The following ADAMTS12 variants were observed in gnomAD, a reference collection of about 807,000 sequenced individuals.
The protein encoded by ADAMTS12 is A disintegrin and metalloproteinase with thrombospondin motifs 12.
ADAMTS12 carries 118 observed loss-of-function variants against 167.8 expected under a neutral mutation model. The observed-to-expected ratio is 0.70, with a 90% CI of 0.61 to 0.82. ADAMTS12 has a LOEUF of 0.82. Among genes scored for constraint, ADAMTS12 ranks in the 40% least tolerant of loss-of-function variants. The pLI is 0.00. For missense variants in ADAMTS12, 1,916 were observed against 1,998.8 expected (o/e 0.96, Z 0.79); for synonymous variants, 704 against 716.9 (o/e 0.98, Z 0.29).
chr5:33,578,309 T>G (rs974089313), intron 18 of ADAMTS12, among the ~76,000 whole-genome samples: 4 of 152,216 alleles, frequency 2.6e-5, no homozygotes, highest in Non-Finnish European at 5.9e-5. Context: ...AGGCAGGAAC[T>G]GTTATTCTGC....
intron 22 of ADAMTS12, 76 bp from the exon 23 acceptor site, chr5:33,535,068 T>A (rs1353214706): frequency 2.8e-6 from 4 of 1,428,152 alleles, no homozygotes; most frequent in Middle Eastern, 5.1e-4. Context: ...ACACCTCCAA[T>A]CCCACTGTGG....
intron 22 of ADAMTS12, among the ~76,000 whole-genome samples, chr5:33,539,066 G>C (rs256642): frequency 0.41 from 62,403 of 151,862 alleles, 13,836 homozygotes; most frequent in East Asian, 0.76. Flanking sequence ...CTCAGCCTCC[G>C]GAGTAGCTGG....
chr5:33,803,230 CA>C (rs1747076820), intron 2 of ADAMTS12, among the ~76,000 whole-genome samples: 1 of 152,138 alleles, frequency 6.6e-6, no homozygotes, highest in Non-Finnish European at 1.5e-5. Flanking sequence ...CAAAAAAACC[CA>C]CAGACAAAAC....
chr5:33,881,541 T>C, intron 1 of ADAMTS12, 61 bp from the exon 2 acceptor site: 1 of 1,544,632 alleles, frequency 6.5e-7, no homozygotes, highest in East Asian at 2.3e-5. Flanking sequence ...CAAAGCCACT[T>C]TCGTTTGGAA....
intron 16 of ADAMTS12, among the ~76,000 whole-genome samples, chr5:33,612,822 T>G (rs1579746416): frequency 1.3e-5 from 2 of 152,304 alleles, no homozygotes; most frequent in South Asian, 2.1e-4. Context: ...TCAACACCAC[T>G]CATGGCTGCT....
At chr5:33,642,343 T>G (rs1286666007) in intron 10 of ADAMTS12, among the ~76,000 whole-genome samples, 1 of 152,196 alleles carries the variant, frequency 6.6e-6, no homozygotes, top group Non-Finnish European at 1.5e-5. Context: ...TGGTGCATGA[T>G]CCTTATCTTG....
At chr5:33,527,424 C>A in intron 23 of ADAMTS12, 58 bp from the exon 24 acceptor site, 1 of 1,525,320 alleles carries the variant, frequency 6.6e-7, no homozygotes, top group Non-Finnish European at 9.0e-7. Flanking sequence ...TGTGGATATA[C>A]AAGCACAACT....
intron 3 of ADAMTS12, among the ~76,000 whole-genome samples, chr5:33,720,266 CCT>C (rs33953882): frequency 3.2e-4 from 33 of 103,874 alleles, no homozygotes; most frequent in African/African-American, 8.8e-4. Context: ...TCCATTCACC[CCT>C]CTCTCTCTCT....
rs1182008413 is a variant in ADAMTS12 at position 33,647,458 on chromosome 5, C to T, written c.1479+1364G>A. ...ATTTTAGAAATATTTAGGCTGGGCACAGTGGTTCATTCTTGTAATCCCAGC... is the reference window on the plus strand; with the variant it reads ...ATTTTAGAAATATTTAGGCTGGGCATAGTGGTTCATTCTTGTAATCCCAGC... On this transcript the variant is annotated intron_variant, in intron 9 of 23. Coordinates refer to ENST00000504830, the MANE Select transcript of ADAMTS12 (RefSeq NM_030955.4). 2.0e-5 allele frequency among the ~76,000 whole-genome samples: 3 copies of T among 152,240 alleles called. No homozygotes were observed. In the East Asian group the frequency reaches 5.8e-4, roughly 29 times the overall value.
intron 23 of ADAMTS12, among the ~76,000 whole-genome samples, chr5:33,528,740 G>A (rs866229952): frequency 2.2e-4 from 33 of 152,220 alleles, no homozygotes; most frequent in Middle Eastern, 3.4e-3. Context: ...CCAACAACCC[G>A]TCAGCAAAAT....
chr5:33,692,471 G>T (rs1378852194), intron 3 of ADAMTS12, among the ~76,000 whole-genome samples: 1 of 151,924 alleles, frequency 6.6e-6, no homozygotes, highest in Non-Finnish European at 1.5e-5. Context: ...GAAGAGGGCT[G>T]TTTTGTCTGT....
intron 16 of ADAMTS12, among the ~76,000 whole-genome samples, chr5:33,606,552 A>G (rs1738448390): frequency 1.3e-5 from 2 of 152,244 alleles, no homozygotes; most frequent in South Asian, 4.1e-4. Context: ...TGATCTGCAG[A>G]CAACTTACCT....
chr5:33,846,648 T>C (rs1272734397), intron 2 of ADAMTS12, among the ~76,000 whole-genome samples: 3 of 152,108 alleles, frequency 2.0e-5, no homozygotes, highest in Admixed American at 6.5e-5. Context: ...GAGATCTTGA[T>C]GGGGGTGGGG....
At chr5:33,636,028 C>T (rs750315228) in intron 12 of ADAMTS12, among the ~76,000 whole-genome samples, 4 of 152,190 alleles carry the variant, frequency 2.6e-5, no homozygotes, top group Non-Finnish European at 4.4e-5. Context: ...ACTTGTATAA[C>T]GCTCACTTCT....
chr5:33,590,951 C>A (rs573562298), intron 17 of ADAMTS12, among the ~76,000 whole-genome samples: 1 of 151,118 alleles, frequency 6.6e-6, no homozygotes, highest in South Asian at 2.1e-4. Flanking sequence ...GGCTCAGGAG[C>A]CATGGTCCAG....
chr5:33,629,744 T>G (rs577057211), intron 13 of ADAMTS12, among the ~76,000 whole-genome samples: 61 of 152,330 alleles, frequency 4.0e-4, no homozygotes, highest in African/African-American at 1.5e-3. Flanking sequence ...AAAAACAATT[T>G]TGCAATTCTC....
Position 33,753,091 on chromosome 5 carries a change from G to A in ADAMTS12, c.490-1543C>T, listed in dbSNP as rs187513153. Reference sequence around the variant, plus strand: ...CAATGGGTCATGCAAACTTTTTGAGGCACAAAGTCCTCTTCTGTAAAAGGG... The same window carrying A: ...CAATGGGTCATGCAAACTTTTTGAGACACAAAGTCCTCTTCTGTAAAAGGG... On this transcript the variant is annotated intron_variant, in intron 2 of 23. Coordinates refer to ENST00000504830, the MANE Select transcript of ADAMTS12 (RefSeq NM_030955.4). 2.0e-5 allele frequency among the ~76,000 whole-genome samples: 3 copies of A among 152,256 alleles called. No individual in the cohort carries two copies. In the East Asian group the frequency reaches 5.8e-4, roughly 29 times the overall value.
intron 9 of ADAMTS12, among the ~76,000 whole-genome samples, chr5:33,645,247 C>T (rs1233272544): frequency 6.6e-6 from 1 of 151,766 alleles, no homozygotes; most frequent in Non-Finnish European, 1.5e-5. Flanking sequence ...ATGAGCATGG[C>T]CTGTAGTAAA....
intron 2 of ADAMTS12, among the ~76,000 whole-genome samples, chr5:33,759,719 A>G (rs568483254): frequency 1.3e-5 from 2 of 152,260 alleles, no homozygotes; most frequent in East Asian, 3.9e-4. Flanking sequence ...AAGACTAGAA[A>G]AGTTGCCTTT....
Sources: allele counts gnomAD v4.1 joint callset (sites outside exome capture counted in the v4.1 genomes callset), GRCh38; gene constraint gnomAD v4.1.1; transcripts MANE v1.5; gene names NCBI Gene and HGNC (gene_info 2026-07-23, HGNC 2026-07-21).